Variants in STEAP2 observed in about 807,000 individuals in gnomAD.
STEAP2 encodes the protein STEAP2 metalloreductase, also known as metalloreductase STEAP2.
Under a neutral mutation model 46.4 loss-of-function variants are expected in STEAP2, and 30 were observed. The ratio of observed to expected loss-of-function variants is 0.65; its 90% CI spans 0.48 to 0.88. The LOEUF (loss-of-function observed/expected upper bound fraction) is 0.88, where lower values mean the gene tolerates loss of function less well. Among genes scored for constraint, STEAP2 ranks in the 40% least tolerant of loss-of-function variants. STEAP2 has a pLI of 0.00. For synonymous variants in STEAP2, 180 were observed against 200.5 expected (o/e 0.90, Z 0.86); for missense variants, 513 against 579.3 (o/e 0.89, Z 1.18).
In STEAP2 at chr7:90,235,811, A is replaced by G; in HGVS notation, c.*3187A>G. The G allele has an allele frequency of 1.3e-6, 1 of 750,878 alleles. No homozygotes were observed. The highest frequency in any genetic ancestry group is 1.6e-6 in the Non-Finnish European group (1 of 616,112). The allele number at this position is 750,878 out of a possible 1,614,324, so 46.5% of individuals were successfully genotyped here. A position where few individuals can be genotyped will look rare whatever the true frequency, so the allele number is the denominator to read the frequency against. On this transcript the variant is annotated 3_prime_UTR_variant, in exon 6 of 6. Transcript: ENST00000394621. ...GAAATTTAGCCCAGATTGTCTACAT[A>G]TAAGGTTTTTATTTGAATTGTAAAA...
intron 3 of STEAP2, 75 bp downstream of exon 3, chr7:90,225,649 T>C: frequency 1.4e-6 from 2 of 1,433,254 alleles, no homozygotes; most frequent in Non-Finnish European, 1.9e-6. Context: ...TCAAACATTT[T>C]AATACCAAAC....
chr7:90,241,771 A>G (rs1796064236), downstream of STEAP2, among the ~76,000 whole-genome samples: 1 of 152,210 alleles, frequency 6.6e-6, no homozygotes, highest in African/African-American at 2.4e-5. Flanking sequence ...AAGGGGTCCA[A>G]TTGCTGAACC....
At position 90,234,982 on chromosome 7, in the gene STEAP2, A is replaced by T. The variant is rs894993736; in HGVS notation, c.*2358A>T. 1 of 971,110 alleles carries T rather than the reference A, an allele frequency of 1.0e-6. No homozygotes were observed. Among genetic ancestry groups the T allele is most frequent in the Non-Finnish European group, 1.2e-6 (1 of 816,920 alleles). 60.2% of individuals were successfully genotyped at this position (971,110 alleles called of 1,614,324 possible). A position where few individuals can be genotyped will look rare whatever the true frequency, so the allele number is the denominator to read the frequency against. On this transcript the variant is annotated 3_prime_UTR_variant, in exon 6 of 6. Coordinates refer to ENST00000394621, the MANE Select transcript of STEAP2 (RefSeq NM_001244944.2). ...AATGATAACTTTTATGGGCAAAAAC[A>T]TTCTATTATAGTGAACTAATGAAAA... is the stretch of plus-strand genomic sequence containing the variant.
Position 90,237,118 on chromosome 7 carries a change from A to T in STEAP2, c.*4494A>T. On this transcript the variant is annotated 3_prime_UTR_variant, in exon 6 of 6. Transcript: ENST00000394621. ...CTGCTGGGATTGTGGATATAACAGG[A>T]GCCCTGGCAGCTGTCTCCAGAGGAT... The T allele has an allele frequency of 1.5e-6, 1 of 672,364 alleles. No homozygotes were observed. 41.6% of individuals were successfully genotyped at this position (672,364 alleles called of 1,614,324 possible).
intron 2 of STEAP2, among the ~76,000 whole-genome samples, chr7:90,222,605 A>G (rs542430055): frequency 1.1e-4 from 17 of 152,318 alleles, no homozygotes; most frequent in African/African-American, 3.8e-4. Flanking sequence ...TGGGTATGAC[A>G]GTATTAGCAC....
chr7:90,225,451 C>T lies in STEAP2; in HGVS notation c.369C>T (p.Asn123=). The T allele has an allele frequency of 6.2e-7, 1 of 1,613,784 alleles. No individual in the cohort carries two copies. The highest frequency in any genetic ancestry group is 8.5e-7 in the Non-Finnish European group (1 of 1,179,894). Residue 123 remains asparagine, a synonymous_variant, in exon 3 of 6, where the codon AAC becomes AAT. Coordinates refer to ENST00000394621, the MANE Select transcript of STEAP2 (RefSeq NM_001244944.2). ...LIDVSNNMRI[N]QYPESNAEYL... The stretch of plus-strand genomic sequence containing the variant: ...ATGTGAGCAATAACATGAGGATAAA[C>T]CAGTACCCAGAATCCAATGCTGAAT...
At chr7:90,218,013 G>A in intron 2 of STEAP2, among the ~76,000 whole-genome samples, 1 of 151,994 alleles carries the variant, frequency 6.6e-6, no homozygotes, top group Non-Finnish European at 1.5e-5. Flanking sequence ...CATTTCTCTG[G>A]TGATTAGTGA....
Position 90,234,197 on chromosome 7 carries a change from T to C in STEAP2, c.*1573T>C, listed in dbSNP as rs1795873164. 1 of 984,864 alleles carries C rather than the reference T, an allele frequency of 1.0e-6. No homozygotes were observed. Among genetic ancestry groups the C allele is most frequent in the South Asian group, 4.7e-5 (1 of 21,262 alleles). 61.0% of individuals were successfully genotyped at this position (984,864 alleles called of 1,614,324 possible). ...AATCTACTCTAGAGACATATAATCA[T>C]ACAGATTATTCATAAAATTTTTCAG... On this transcript the variant is annotated 3_prime_UTR_variant, in exon 6 of 6. Transcript: ENST00000394621.
In STEAP2 at chr7:90,234,505, T is replaced by A. The variant is rs1217426004; in HGVS notation, c.*1881T>A. 1 of 984,870 alleles carries A rather than the reference T, an allele frequency of 1.0e-6. No homozygotes were observed. Among genetic ancestry groups the A allele is most frequent in the African/African-American group, 1.7e-5 (1 of 57,178 alleles). The allele number at this position is 984,870 out of a possible 1,614,324, so 61.0% of individuals were successfully genotyped here. On this transcript the variant is annotated 3_prime_UTR_variant, in exon 6 of 6. Coordinates refer to ENST00000394621, the MANE Select transcript of STEAP2 (RefSeq NM_001244944.2). The stretch of plus-strand genomic sequence containing the variant: ...GTCAGTTTGGTAATTCACTTATGAT[T>A]TTCTAATGTTCTCTTGGTGAATTTT...
intron 1 of STEAP2, among the ~76,000 whole-genome samples, chr7:90,212,553 G>A (rs1003057981): frequency 1.3e-5 from 2 of 152,174 alleles, no homozygotes; most frequent in African/African-American, 2.4e-5. Context: ...TTCTTTGACT[G>A]TCCTAAATTA....
intron 2 of STEAP2, among the ~76,000 whole-genome samples, 159 bp downstream of exon 2, chr7:90,216,762 G>A (rs1021206764): frequency 2.6e-5 from 4 of 152,114 alleles, no homozygotes; most frequent in Admixed American, 1.3e-4. Context: ...TTCAATCTTG[G>A]TTGCATAATA....
At chr7:90,212,729 C>T (rs1794868308) in intron 1 of STEAP2, among the ~76,000 whole-genome samples, 1 of 152,038 alleles carries the variant, frequency 6.6e-6, no homozygotes, top group South Asian at 2.1e-4. Context: ...TTTTACTCCT[C>T]GGGCAGTTAG....
intron 2 of STEAP2, among the ~76,000 whole-genome samples, chr7:90,219,030 T>G (rs1377468824): frequency 4.0e-5 from 6 of 151,880 alleles, no homozygotes; most frequent in Non-Finnish European, 5.9e-5. Context: ...TTTGTTTTTG[T>G]TTTTTTTATA....
chr7:90,225,511 C>A lies in STEAP2; in HGVS notation c.429C>A (p.Val143=). The change falls in exon 3 of 6, where the codon GTC becomes GTA. Residue 143 remains valine, a synonymous_variant. Transcript: ENST00000394621. ...LASLFPDSLI[V]KGFNVVSAWA... ...CATTATTCCCAGATTCTTTGATTGT[C>A]AAAGGATTTAATGTTGTCTCAGCTT... The A allele has an allele frequency of 6.2e-7, 1 of 1,613,550 alleles. No individual in the cohort carries two copies. The highest frequency in any genetic ancestry group is 1.1e-5 in the South Asian group (1 of 90,968).
chr7:90,240,278 C>T (rs1249196068), downstream of STEAP2, among the ~76,000 whole-genome samples: 3 of 28,768 alleles, frequency 1.0e-4, no homozygotes, highest in Admixed American at 6.1e-4. The surrounding 1 kb of genome is among the most constrained non-coding windows in gnomAD (Gnocchi z 4.1). Context: ...GAGACCCTGT[C>T]TCAAAAAAAA....
chr7:90,230,539 G>A (rs1795695281), intron 5 of STEAP2, among the ~76,000 whole-genome samples: 2 of 151,764 alleles, frequency 1.3e-5, no homozygotes, highest in Admixed American at 6.6e-5. Context: ...CTAGAGTAAT[G>A]GATTATAACA....
downstream of STEAP2, chr7:90,237,823 T>C (rs1796008001): frequency 3.3e-6 from 1 of 307,182 alleles, no homozygotes; most frequent in African/African-American, 2.1e-5. Flanking sequence ...TTTATTTTAT[T>C]ACATTATTTC....
intron 2 of STEAP2, among the ~76,000 whole-genome samples, chr7:90,222,817 C>G (rs1795306386): frequency 1.3e-5 from 2 of 152,116 alleles, no homozygotes; most frequent in Admixed American, 1.3e-4. Flanking sequence ...TGGCTGTAGT[C>G]ATTTCAAATT....
chr7:90,235,949 T>C lies in STEAP2; in HGVS notation c.*3325T>C. Reference sequence around the variant, plus strand: ...GTGTTAAACTACCTGATTAATTTCTTATAAAGCAGCATAACCTTGGCTTGA... The same window carrying C: ...GTGTTAAACTACCTGATTAATTTCTCATAAAGCAGCATAACCTTGGCTTGA... On this transcript the variant is annotated 3_prime_UTR_variant, in exon 6 of 6. Coordinates refer to ENST00000394621, the MANE Select transcript of STEAP2 (RefSeq NM_001244944.2). 1.0e-6 allele frequency: 1 copy of C among 984,354 alleles called. No individual in the cohort carries two copies. Among genetic ancestry groups the C allele is most frequent in the Middle Eastern group, 5.2e-4 (1 of 1,906 alleles). 61.0% of individuals were successfully genotyped at this position (984,354 alleles called of 1,614,324 possible). A position where few individuals can be genotyped will look rare whatever the true frequency, so the allele number is the denominator to read the frequency against.
Sources: gnomAD v4.1 joint callset for allele counts (sites outside exome capture counted in the v4.1 genomes callset) on GRCh38, gnomAD v4.1.1 for gene constraint, Gnocchi (gnomAD v3.1) non-coding constraint, MANE v1.5 for transcripts, NCBI Gene and HGNC (gene_info 2026-07-23, HGNC 2026-07-21) for gene names.